The following HTR4 variants were observed in gnomAD, a reference collection of about 807,000 sequenced individuals.
The protein encoded by HTR4 is 5-hydroxytryptamine receptor 4, also known as 5-hydroxytryptamine (serotonin) receptor 4, G protein-coupled.
In HTR4, 16 loss-of-function variants were observed where a neutral mutation model predicts 36.8. The ratio of observed to expected loss-of-function variants is 0.43; its 90% CI spans 0.29 to 0.66. HTR4 has a LOEUF of 0.66. HTR4 is among the 30% of genes least tolerant of loss of function. The pLI is 0.13. For synonymous variants in HTR4, 189 were observed against 185.1 expected, an observed-to-expected ratio of 1.02 and a Z score of -0.17; for missense variants, 438 against 490.9, an observed-to-expected ratio of 0.89 and a Z score of 1.02.
chr5:148,517,635 CAAAAA>C (rs3041923), intron 5 of HTR4, among the ~76,000 whole-genome samples: 72,615 of 142,474 alleles, frequency 0.51, 18,167 homozygotes, highest in African/African-American at 0.64. Context: ...TCTAATTTTT[CAAAAA>C]AAAAAAAAAA....
chr5:148,483,418 T>C, intron 6 of HTR4, 125 bp from the exon 7 acceptor site: 2 of 805,530 alleles, frequency 2.5e-6, no homozygotes, highest in Non-Finnish European at 4.1e-6. Flanking sequence ...ATTTGGCTTC[T>C]ACTTAGGAAT....
chr5:148,640,168 T>G (rs78536572), intron 1 of HTR4, among the ~76,000 whole-genome samples: 1,898 of 152,308 alleles, frequency 0.012, 45 homozygotes, highest in African/African-American at 0.043. Flanking sequence ...TGTCATCTTA[T>G]TATACGTCCT....
intron 4 of HTR4, among the ~76,000 whole-genome samples, chr5:148,535,888 C>T (rs767028600): frequency 3.3e-5 from 5 of 151,922 alleles, no homozygotes; most frequent in Non-Finnish European, 7.4e-5. Context: ...ATAGAGAACT[C>T]CTGCAAGATT....
At chr5:148,622,279 T>C (rs377181130) in intron 2 of HTR4, among the ~76,000 whole-genome samples, 3 of 152,358 alleles carry the variant, frequency 2.0e-5, no homozygotes, top group African/African-American at 7.2e-5. Context: ...ATTTGCCTGA[T>C]GCTAACTGTG....
chr5:148,640,220 AC>A (rs1268548616), intron 1 of HTR4, among the ~76,000 whole-genome samples: 2 of 152,148 alleles, frequency 1.3e-5, no homozygotes, highest in African/African-American at 4.8e-5. Context: ...GTGAACATCC[AC>A]TATAATTTTC....
chr5:148,530,416 A>G (rs180763356), intron 4 of HTR4, among the ~76,000 whole-genome samples: 99 of 152,284 alleles, frequency 6.5e-4, no homozygotes, highest in African/African-American at 2.4e-3. Context: ...GGCTGAAAGG[A>G]GCCAACATAG....
chr5:148,495,672 C>T (rs987638919), intron 6 of HTR4, among the ~76,000 whole-genome samples: 8 of 152,188 alleles, frequency 5.3e-5, no homozygotes, highest in African/African-American at 1.9e-4. Flanking sequence ...TTGTTGTGGT[C>T]ACAAGACTAT....
chr5:148,551,090 G>A (rs1254901514), intron 2 of HTR4, among the ~76,000 whole-genome samples: 1 of 151,994 alleles, frequency 6.6e-6, no homozygotes, highest in East Asian at 1.9e-4. Context: ...ACATCAGCAA[G>A]GAGCCCACTG....
At chr5:148,496,325 C>A (rs1180336957) in intron 6 of HTR4, among the ~76,000 whole-genome samples, 1 of 151,946 alleles carries the variant, frequency 6.6e-6, no homozygotes, top group South Asian at 2.1e-4. Flanking sequence ...TACTAAGCTG[C>A]CAGATGATTC....
At chr5:148,535,330 TTA>T (rs371443822) in intron 4 of HTR4, among the ~76,000 whole-genome samples, 82 of 152,116 alleles carry the variant, frequency 5.4e-4, no homozygotes, top group African/African-American at 1.9e-3. Context: ...CAGAGCATTG[TTA>T]TGTTTCCAAA....
intron 2 of HTR4, among the ~76,000 whole-genome samples, chr5:148,614,722 A>G (rs1581548886): frequency 6.6e-6 from 1 of 152,048 alleles, no homozygotes; most frequent in Non-Finnish European, 1.5e-5. Context: ...AGCAAAAGAA[A>G]CTACCATCAG....
At chr5:148,593,925 A>C (rs1447304654) in intron 2 of HTR4, among the ~76,000 whole-genome samples, 1 of 152,184 alleles carries the variant, frequency 6.6e-6, no homozygotes, top group Non-Finnish European at 1.5e-5. Context: ...TAGAGAAATC[A>C]ATGTGTTGAT....
At chr5:148,619,134 T>C (rs572040327) in intron 2 of HTR4, among the ~76,000 whole-genome samples, 2 of 152,290 alleles carry the variant, frequency 1.3e-5, no homozygotes, top group African/African-American at 2.4e-5. Context: ...AGTTTTGATC[T>C]TGGAGTAAAG....
intron 6 of HTR4, among the ~76,000 whole-genome samples, chr5:148,486,177 A>G (rs1756151024): frequency 2.0e-5 from 3 of 152,192 alleles, no homozygotes; most frequent in Non-Finnish European, 4.4e-5. Flanking sequence ...GAGTGATCTT[A>G]TGGTCAGTTG....
Position 148,482,079 on chromosome 5 carries a change from G to T in HTR4, c.*1124C>A. On this transcript the variant is annotated 3_prime_UTR_variant, in exon 7 of 7. Transcript: ENST00000377888. ...CCAGAGATGAAAGAACACTATTCAA[G>T]ATCTCACAGCTTGTTTGCAGCACAG... 1 of 980,690 alleles carries T rather than the reference G, an allele frequency of 1.0e-6. No individual in the cohort carries two copies. The highest frequency in any genetic ancestry group is 4.7e-5 in the South Asian group (1 of 21,196). The allele number at this position is 980,690 out of a possible 1,614,324, so 60.7% of individuals were successfully genotyped here.
chr5:148,634,229 G>A (rs561667547), intron 2 of HTR4, among the ~76,000 whole-genome samples: 2 of 152,128 alleles, frequency 1.3e-5, no homozygotes, highest in South Asian at 4.2e-4. Flanking sequence ...ATCTCTCTAG[G>A]GCATTTGCAG....
chr5:148,619,625 A>G (rs2127292550), intron 2 of HTR4, among the ~76,000 whole-genome samples: 2 of 152,296 alleles, frequency 1.3e-5, no homozygotes, highest in South Asian at 4.1e-4. Flanking sequence ...GCAGGAGCCC[A>G]CACAGCCTAG....
intron 2 of HTR4, among the ~76,000 whole-genome samples, chr5:148,579,326 G>T (rs143217134): frequency 1.3e-5 from 2 of 151,874 alleles, no homozygotes; most frequent in East Asian, 3.9e-4. Flanking sequence ...CATCATCTAC[G>T]TTATACTTGC....
chr5:148,488,087 G>A (rs187589830), intron 6 of HTR4, among the ~76,000 whole-genome samples: 80 of 152,266 alleles, frequency 5.3e-4, no homozygotes, highest in Non-Finnish European at 1.0e-3. Context: ...TCTATAAACC[G>A]TGAGGCACAT....
Sources: allele counts gnomAD v4.1 joint callset (sites outside exome capture counted in the v4.1 genomes callset), GRCh38; gene constraint gnomAD v4.1.1; transcripts MANE v1.5; gene names NCBI Gene and HGNC (gene_info 2026-07-23, HGNC 2026-07-21).